The following CATSPERD variants were observed in gnomAD, a reference collection of about 807,000 sequenced individuals.
CATSPERD encodes the protein catsper channel auxiliary subunit delta, also known as cation channel sperm-associated auxiliary subunit delta.
Under a neutral mutation model 98.1 loss-of-function variants are expected in CATSPERD, and 86 were observed. That is an observed-to-expected ratio of 0.88 (90% CI 0.74 to 1.05). The LOEUF is 1.05. Ranked by LOEUF, CATSPERD falls within the 50% of genes least tolerant of loss-of-function variation. CATSPERD has a pLI of 0.00. For synonymous variants in CATSPERD, 394 were observed against 390.2 expected (o/e 1.01, Z -0.12); for missense variants, 995 against 1,005.7 (o/e 0.99, Z 0.14).
At chr19:5,750,746 A>T (rs1335984057) in intron 11 of CATSPERD, among the ~76,000 whole-genome samples, 2 of 151,838 alleles carry the variant, frequency 1.3e-5, no homozygotes, top group African/African-American at 4.8e-5. Flanking sequence ...AAAAAAGAAA[A>T]AAATAATAAT....
chr19:5,733,493 G>T (rs1186694606), intron 4 of CATSPERD, among the ~76,000 whole-genome samples: 1 of 135,154 alleles, frequency 7.4e-6, no homozygotes, highest in Non-Finnish European at 1.6e-5. Flanking sequence ...CCAGAGTTTT[G>T]CTCTTGTCAC....
chr19:5,758,992 C>T, intron 14 of CATSPERD, 94 bp from the exon 15 acceptor site: 1 of 1,126,142 alleles, frequency 8.9e-7, no homozygotes, highest in Non-Finnish European at 1.4e-6. Flanking sequence ...CCCCCCATGT[C>T]CCCTCCAACA....
chr19:5,746,717 G>A (rs1404215899), intron 9 of CATSPERD, among the ~76,000 whole-genome samples: 1 of 152,120 alleles, frequency 6.6e-6, no homozygotes, highest in African/African-American at 2.4e-5. Context: ...ACAGGCGTGA[G>A]CCACCACGCC....
chr19:5,773,894 T>C (rs2056694029), intron 20 of CATSPERD, among the ~76,000 whole-genome samples: 1 of 151,762 alleles, frequency 6.6e-6, no homozygotes. Flanking sequence ...CGGGACACAA[T>C]GTTTTGTATC....
intron 1 of CATSPERD, among the ~76,000 whole-genome samples, chr19:5,722,589 C>G (rs1238319082): frequency 1.3e-5 from 2 of 152,120 alleles, no homozygotes; most frequent in Non-Finnish European, 2.9e-5. Flanking sequence ...CATTTCCCCA[C>G]ACAGGCTCTC....
At chr19:5,775,034 G>T (rs2056715458) in intron 20 of CATSPERD, among the ~76,000 whole-genome samples, 1 of 152,006 alleles carries the variant, frequency 6.6e-6, no homozygotes, top group South Asian at 2.1e-4. Flanking sequence ...AAAAGTCATT[G>T]GAAGCGCCTG....
intron 4 of CATSPERD, among the ~76,000 whole-genome samples, chr19:5,732,750 A>C (rs1200565634): frequency 6.6e-6 from 1 of 152,092 alleles, no homozygotes; most frequent in Non-Finnish European, 1.5e-5. Context: ...ATCTCGGCTC[A>C]CTGCAACCTC....
intron 11 of CATSPERD, among the ~76,000 whole-genome samples, chr19:5,750,337 G>A (rs2145777113): frequency 6.9e-6 from 1 of 145,738 alleles, no homozygotes; most frequent in South Asian, 2.2e-4. Flanking sequence ...TGTAGTCCCA[G>A]CTACTCGGGA....
At chr19:5,751,952 C>A in intron 12 of CATSPERD, 129 bp downstream of exon 12, 1 of 886,038 alleles carries the variant, frequency 1.1e-6, no homozygotes, top group Non-Finnish European at 1.6e-6. Flanking sequence ...TGTTTGAGGC[C>A]AGGAGTTCAA....
chr19:5,769,744 C>T (rs2056610223), intron 18 of CATSPERD, among the ~76,000 whole-genome samples: 1 of 152,070 alleles, frequency 6.6e-6, no homozygotes, highest in Admixed American at 6.6e-5. Context: ...TCTATGTGGG[C>T]TGTATTGCAA....
chr19:5,733,504 C>T (rs2055777083), intron 4 of CATSPERD, among the ~76,000 whole-genome samples: 1 of 150,200 alleles, frequency 6.7e-6, no homozygotes, highest in African/African-American at 2.5e-5. Flanking sequence ...CTCTTGTCAC[C>T]AGGCTGGAGT....
At chr19:5,750,569 C>T (rs754528894) in intron 11 of CATSPERD, among the ~76,000 whole-genome samples, 6 of 151,406 alleles carry the variant, frequency 4.0e-5, no homozygotes, top group Non-Finnish European at 7.4e-5. Flanking sequence ...AGTGAGACCC[C>T]GTCTCTACTA....
intron 11 of CATSPERD, 122 bp from the exon 12 acceptor site, chr19:5,751,525 C>T (rs1416076605): frequency 5.0e-6 from 3 of 602,912 alleles, no homozygotes; most frequent in Non-Finnish European, 6.7e-6. Context: ...CAGAGTGAGA[C>T]TCCATCAAAA....
intron 9 of CATSPERD, among the ~76,000 whole-genome samples, chr19:5,747,605 CTTTTCTT>C (rs1220185223): frequency 1.6e-5 from 2 of 128,386 alleles, no homozygotes; most frequent in African/African-American, 2.8e-5. Flanking sequence ...TTTCTTTTTT[CTTTTCTT>C]TTTTTTTTTT....
chr19:5,744,282 G>A (rs1388792750), intron 7 of CATSPERD, 145 bp from the exon 8 acceptor site: 2 of 665,702 alleles, frequency 3.0e-6, no homozygotes, highest in Non-Finnish European at 5.1e-6. Context: ...ACCCAATTGA[G>A]TGCCATATTT....
rs772703317 is a variant in CATSPERD at position 5,751,797 on chromosome 19, C to T, written c.1138C>T (p.Pro380Ser). Residue 380 changes from proline (P) to serine (S), a missense_variant, in exon 12 of 22, where the codon CCT (proline) becomes TCT (serine). By Grantham distance (74) the Pro-to-Ser change is moderately conservative (BLOSUM62 -1). This residue lies in a region of CATSPERD where 762 missense variants were observed against 773.7 expected (regional missense o/e 0.98). Coordinates refer to ENST00000381624, the MANE Select transcript of CATSPERD (RefSeq NM_152784.4). The part of the protein sequence containing the change: ...LVNIQALLMD[P>S]ELHVGKCKIE... Reference sequence around the variant, plus strand: ...GAATATCCAGGCGCTTCTCATGGACCCTGAACTCCACGTTGGAAAGTGCAA... The same window carrying T: ...GAATATCCAGGCGCTTCTCATGGACTCTGAACTCCACGTTGGAAAGTGCAA... 5.0e-5 allele frequency: 80 copies of T among 1,612,520 alleles called. No homozygotes were observed. Among genetic ancestry groups the T allele is most frequent in the Middle Eastern group, 3.3e-4 (2 of 6,002 alleles).
At chr19:5,741,160 C>A (rs991154421) in intron 7 of CATSPERD, among the ~76,000 whole-genome samples, 3 of 151,698 alleles carry the variant, frequency 2.0e-5, no homozygotes, top group Admixed American at 1.3e-4. Flanking sequence ...ACCCACATGC[C>A]CACCTGAAGA....
rs1491269022 is a variant in CATSPERD, at chr19:5,762,059, T to TATATATATATATATATATATATA, written c.1428-1156_1428-1155insATATATATATATATATATATATA. ...GGCCTGCCATATATATATATATATA[T>TATATATATATATATATATATATA]TTTTTTTTTTTTTTTTTTTTTTGAG... On this transcript the variant is annotated intron_variant, in intron 15 of 21. Coordinates refer to ENST00000381624, the MANE Select transcript of CATSPERD (RefSeq NM_152784.4). 5.4e-4 allele frequency among the ~76,000 whole-genome samples: 10 copies of TATATATATATATATATATATATA among 18,620 alleles called. 1 individual carries two copies. Among genetic ancestry groups the TATATATATATATATATATATATA allele is most frequent in the Non-Finnish European group, 7.7e-4 (7 of 9,062 alleles). 12.2% of individuals were successfully genotyped at this position (18,620 alleles called of 152,430 possible). A position where few individuals can be genotyped will look rare whatever the true frequency, so the allele number is the denominator to read the frequency against.
intron 13 of CATSPERD, among the ~76,000 whole-genome samples, chr19:5,756,987 C>T (rs548990894): frequency 9.2e-5 from 14 of 151,926 alleles, no homozygotes; most frequent in Admixed American, 8.5e-4. Context: ...CGGTGGCTCA[C>T]GCCTGTAATC....
Sources: gnomAD v4.1 joint callset for allele counts (sites outside exome capture counted in the v4.1 genomes callset) on GRCh38, gnomAD v4.1.1 for gene constraint, gnomAD v4.1.1 regional missense constraint, MANE v1.5 for transcripts, NCBI Gene and HGNC (gene_info 2026-07-23, HGNC 2026-07-21) for gene names.